TLL1: variants seen among roughly 807,000 people sequenced by gnomAD.
TLL1 encodes the protein tolloid-like protein 1.
Under a neutral mutation model 128.2 loss-of-function variants are expected in TLL1, and 49 were observed. That is an observed-to-expected ratio of 0.38 (90% CI 0.30 to 0.48). TLL1 has a LOEUF of 0.48. TLL1 is among the 20% of genes least tolerant of loss of function. The probability of loss-of-function intolerance (pLI) is 0.96; values close to 1 mark genes in which losing one functional copy is unlikely to be tolerated. For missense variants in TLL1, 1,123 were observed against 1,242.0 expected (o/e 0.90, Z 1.44); for synonymous variants, 454 against 418.8 (o/e 1.08, Z -1.03).
chr4:165,987,890 A>G (rs1009653283), intron 1 of TLL1, among the ~76,000 whole-genome samples: 2 of 152,134 alleles, frequency 1.3e-5, no homozygotes, highest in Non-Finnish European at 2.9e-5. Context: ...GAAAGACAGT[A>G]ATTTGAAAAG....
intron 7 of TLL1, among the ~76,000 whole-genome samples, chr4:166,013,315 A>G (rs1246911208): frequency 3.3e-5 from 5 of 151,846 alleles, no homozygotes; most frequent in Non-Finnish European, 7.4e-5. Context: ...TTAGAATCAT[A>G]AAGGAAGGAA....
chr4:166,055,628 A>G (rs1260320936), intron 13 of TLL1, among the ~76,000 whole-genome samples: 1 of 152,186 alleles, frequency 6.6e-6, no homozygotes, highest in East Asian at 1.9e-4. Context: ...ATTTGTTTCC[A>G]GGTGCCAGCA....
chr4:166,059,355 T>C (rs1740182967), intron 14 of TLL1, among the ~76,000 whole-genome samples: 1 of 152,170 alleles, frequency 6.6e-6, no homozygotes, highest in Non-Finnish European at 1.5e-5. Context: ...ATGATTTTGC[T>C]AATTTCACTG....
chr4:166,057,162 ATAAC>A lies in TLL1; in HGVS notation c.1721-19_1721-16del. The stretch of plus-strand genomic sequence containing the variant: ...ACACATATATATGTATAGTTGTTCT[ATAAC>A]TATGACCATTTTCATAGAGGAAGAT... On this transcript the variant is annotated intron_variant, in intron 13 of 20. Transcript: ENST00000061240. 2.5e-6 allele frequency: 4 copies of A among 1,613,500 alleles called. No individual in the cohort carries two copies. Among genetic ancestry groups the A allele is most frequent in the Non-Finnish European group, 3.4e-6 (4 of 1,179,676 alleles).
chr4:165,978,617 C>T (rs920375662), intron 1 of TLL1, among the ~76,000 whole-genome samples: 1 of 152,076 alleles, frequency 6.6e-6, no homozygotes, highest in African/African-American at 2.4e-5. Context: ...ATTTAAGTTG[C>T]TGTTTTTTGT....
At chr4:166,093,701 A>G (rs528181561) in intron 19 of TLL1, among the ~76,000 whole-genome samples, 8 of 152,222 alleles carry the variant, frequency 5.3e-5, no homozygotes, top group African/African-American at 1.9e-4. Context: ...CATATTTCAG[A>G]CTATCACATG....
intron 1 of TLL1, among the ~76,000 whole-genome samples, chr4:165,912,453 T>C (rs775639969): frequency 2.6e-5 from 4 of 152,236 alleles, no homozygotes; most frequent in Non-Finnish European, 5.9e-5. Flanking sequence ...GTGACCCATG[T>C]GAACAGCTCT....
intron 5 of TLL1, 109 bp downstream of exon 5, chr4:165,995,287 C>G: frequency 1.1e-6 from 1 of 901,644 alleles, no homozygotes; most frequent in Non-Finnish European, 1.8e-6. Flanking sequence ...TGTATTTTGG[C>G]CATGAGAAAG....
Position 166,041,913 on chromosome 4 carries a change from G to A in TLL1, c.1262-114G>A, listed in dbSNP as rs368911383. 115 of 738,104 alleles carry A rather than the reference G, an allele frequency of 1.6e-4. 1 individual carries two copies. In the East Asian group the frequency reaches 2.2e-3, roughly 14 times the overall value. The allele number at this position is 738,104 out of a possible 1,614,324, so 45.7% of individuals were successfully genotyped here. On this transcript the variant is annotated intron_variant, in intron 10 of 20. Transcript: ENST00000061240. ...GCACAGTTGTGGCTGCAATCACTTG[G>A]AATAGAAATGTGAACCAAATCGGTG...
chr4:166,043,245 T>C (rs1466796933), intron 11 of TLL1, 29 bp from the exon 12 acceptor site: 1 of 1,613,824 alleles, frequency 6.2e-7, no homozygotes. Context: ...CCAGGCTTAG[T>C]TATTTGTTTA....
chr4:165,978,379 A>G (rs1335248545), intron 1 of TLL1, among the ~76,000 whole-genome samples: 3 of 151,998 alleles, frequency 2.0e-5, no homozygotes, highest in Non-Finnish European at 4.4e-5. Flanking sequence ...TTTGGGGTCC[A>G]AAGCTTTTAA....
At chr4:166,096,968 A>G (rs1242703002) in intron 19 of TLL1, among the ~76,000 whole-genome samples, 3 of 152,238 alleles carry the variant, frequency 2.0e-5, no homozygotes, top group South Asian at 2.1e-4. Flanking sequence ...GATGGCATTT[A>G]CATGTGCTCA....
rs557072277 is a variant in TLL1, at chr4:166,019,959, A to AG, written c.1043-5353dup. ...GCTCAATACAGAAATAAGGTTAGGA[A>AG]GGGGATAGTATGAGGATATGTTTCC... is the stretch of plus-strand genomic sequence containing the variant. On this transcript the variant is annotated intron_variant, in intron 8 of 20. Coordinates refer to ENST00000061240, the MANE Select transcript of TLL1 (RefSeq NM_012464.5). 2.8e-3 allele frequency among the ~76,000 whole-genome samples: 419 copies of AG among 152,270 alleles called. 4 individuals are homozygous for AG. The highest frequency in any genetic ancestry group is 0.019 in the South Asian group (94 of 4,828).
chr4:165,907,506 G>T (rs1026734540), intron 1 of TLL1, among the ~76,000 whole-genome samples: 6 of 151,936 alleles, frequency 3.9e-5, no homozygotes, highest in African/African-American at 1.5e-4. Context: ...TAAGTATACA[G>T]ATTAGTTTAA....
chr4:165,961,818 C>G (rs150328430), intron 1 of TLL1, among the ~76,000 whole-genome samples: 1 of 152,148 alleles, frequency 6.6e-6, no homozygotes, highest in East Asian at 1.9e-4. Context: ...CAGAAATTAA[C>G]TCAAGATGGA....
chr4:166,033,261 G>A (rs1283021142), intron 9 of TLL1, among the ~76,000 whole-genome samples: 1 of 152,070 alleles, frequency 6.6e-6, no homozygotes, highest in South Asian at 2.1e-4. Context: ...TTATAATAGT[G>A]AAAGTTGGAA....
intron 1 of TLL1, among the ~76,000 whole-genome samples, chr4:165,972,505 G>A (rs1560781981): frequency 6.6e-6 from 1 of 152,076 alleles, no homozygotes; most frequent in Non-Finnish European, 1.5e-5. Flanking sequence ...TGGATGGTAG[G>A]TGGTGGGGTG....
At chr4:165,885,500 A>G (rs1344332038) in intron 1 of TLL1, among the ~76,000 whole-genome samples, 2 of 152,006 alleles carry the variant, frequency 1.3e-5, no homozygotes, top group African/African-American at 4.8e-5. Context: ...AGGCCATGCA[A>G]TTTCATGACT....
chr4:165,961,554 A>T (rs1735104335), intron 1 of TLL1, among the ~76,000 whole-genome samples: 1 of 152,194 alleles, frequency 6.6e-6, no homozygotes, highest in African/African-American at 2.4e-5. Context: ...GCATCACATT[A>T]CCTGACTTTG....
Sources: allele counts gnomAD v4.1 joint callset (sites outside exome capture counted in the v4.1 genomes callset), GRCh38; gene constraint gnomAD v4.1.1; transcripts MANE v1.5; gene names NCBI Gene and HGNC (gene_info 2026-07-23, HGNC 2026-07-21).